Variants in ZFAT observed in about 807,000 individuals in gnomAD.
The protein encoded by ZFAT is zinc finger protein ZFAT.
Under a neutral mutation model 117.7 loss-of-function variants are expected in ZFAT, and 64 were observed. The observed-to-expected ratio is 0.54, with a 90% CI of 0.44 to 0.67. The LOEUF is 0.67. ZFAT is among the 30% of genes least tolerant of loss of function. The pLI, the probability that ZFAT is intolerant of heterozygous loss-of-function variation, is 0.00. For synonymous variants in ZFAT, 679 were observed against 615.0 expected, an observed-to-expected ratio of 1.10 and a Z score of -1.54; for missense variants, 1,433 against 1,584.5, an observed-to-expected ratio of 0.90 and a Z score of 1.62.
At chr8:134,729,455 C>T in the ZFAT span, among the ~76,000 whole-genome samples, 2 of 152,238 alleles carry the variant, frequency 1.3e-5, no homozygotes, top group African/African-American at 4.8e-5. Context: ...CCTCAGCCTC[C>T]CAAGTAGCTG....
intron 1 of ZFAT, 92 bp downstream of exon 1, chr8:134,712,753 T>C: frequency 7.6e-7 from 1 of 1,320,050 alleles, no homozygotes; most frequent in South Asian, 1.4e-5. Context: ...GCCGGCGCAC[T>C]GCTTCCCGAC....
intron 1 of ZFAT, among the ~76,000 whole-genome samples, chr8:134,711,136 G>GT (rs1813981799): frequency 6.6e-6 from 1 of 152,128 alleles, no homozygotes; most frequent in South Asian, 2.1e-4. Context: ...GTTTTGTTTT[G>GT]TTTTTTGAGA....
At chr8:134,744,362 C>A in the ZFAT span, among the ~76,000 whole-genome samples, 2 of 145,592 alleles carry the variant, frequency 1.4e-5, no homozygotes, top group African/African-American at 5.1e-5. Context: ...GTGGCATAAT[C>A]TTGGCTCACG....
chr8:134,679,778 G>A (rs1832977845), intron 1 of ZFAT, among the ~76,000 whole-genome samples: 1 of 152,168 alleles, frequency 6.6e-6, no homozygotes, highest in Non-Finnish European at 1.5e-5. Context: ...ATGAGTTCAT[G>A]TCCTTTGCAG....
chr8:134,808,175 T>C, the ZFAT span, among the ~76,000 whole-genome samples: 45,876 of 151,928 alleles, frequency 0.3, 7,560 homozygotes, highest in African/African-American at 0.43. Context: ...GACATGCACA[T>C]GCACACATGC....
chr8:134,712,807 C>A, intron 1 of ZFAT, 38 bp downstream of exon 1: 1 of 914,486 alleles, frequency 1.1e-6, no homozygotes, highest in South Asian at 1.5e-5. Context: ...CGCGCCCCAC[C>A]CCCACCCCGT....
intron 3 of ZFAT, among the ~76,000 whole-genome samples, chr8:134,621,839 GTAC>G (rs1829135792): frequency 6.6e-6 from 1 of 152,210 alleles, no homozygotes. Context: ...GAGGTACAGT[GTAC>G]TACGTGAAAT....
At chr8:134,654,364 T>C (rs962175527) in intron 2 of ZFAT, among the ~76,000 whole-genome samples, 1 of 152,218 alleles carries the variant, frequency 6.6e-6, no homozygotes, top group Admixed American at 6.5e-5. Context: ...ATTGCTTTGA[T>C]GGGTTTACCC....
chr8:134,695,212 C>A (rs1833767759), intron 1 of ZFAT, among the ~76,000 whole-genome samples: 1 of 152,188 alleles, frequency 6.6e-6, no homozygotes, highest in South Asian at 2.1e-4. Context: ...GGGAGGCACC[C>A]CGGCCAGGAA....
chr8:134,532,470 C>A (rs1389443519), intron 12 of ZFAT, among the ~76,000 whole-genome samples: 1 of 152,184 alleles, frequency 6.6e-6, no homozygotes, highest in African/African-American at 2.4e-5. Flanking sequence ...ACAACATGTT[C>A]CTGCTAATGT....
At chr8:134,511,785 GT>G (rs761216942) in intron 14 of ZFAT, among the ~76,000 whole-genome samples, 1 of 151,992 alleles carries the variant, frequency 6.6e-6, no homozygotes, top group Non-Finnish European at 1.5e-5. Context: ...ACAGTGGCTT[GT>G]TTTTTTTAGA....
At chr8:134,632,580 C>G (rs1030623296) in intron 3 of ZFAT, among the ~76,000 whole-genome samples, 2 of 152,026 alleles carry the variant, frequency 1.3e-5, no homozygotes, top group African/African-American at 4.8e-5. Flanking sequence ...GAAACAGAAG[C>G]ATTTTTTTTA....
At chr8:134,761,142 C>G in the ZFAT span, among the ~76,000 whole-genome samples, 4 of 152,180 alleles carry the variant, frequency 2.6e-5, no homozygotes, top group Non-Finnish European at 5.9e-5. Flanking sequence ...TGGTGTTTCT[C>G]AAGCTCAAAT....
intron 10 of ZFAT, among the ~76,000 whole-genome samples, chr8:134,572,974 G>A (rs1403260515): frequency 6.6e-6 from 1 of 152,180 alleles, no homozygotes; most frequent in African/African-American, 2.4e-5. Context: ...AATGTGAAAA[G>A]GAAGAAGCCA....
At chr8:134,640,086 C>A (rs907348754) in intron 2 of ZFAT, among the ~76,000 whole-genome samples, 3 of 152,216 alleles carry the variant, frequency 2.0e-5, no homozygotes, top group African/African-American at 7.2e-5. Context: ...ACGTCTAGAA[C>A]CTTCCCAGTC....
chr8:134,828,977 T>G, the ZFAT span, among the ~76,000 whole-genome samples: 4 of 152,326 alleles, frequency 2.6e-5, no homozygotes, highest in Admixed American at 1.3e-4. Context: ...CTTATTTTGA[T>G]TTTGCTGAAG....
At chr8:134,764,207 A>G in the ZFAT span, among the ~76,000 whole-genome samples, 1 of 152,238 alleles carries the variant, frequency 6.6e-6, no homozygotes, top group Non-Finnish European at 1.5e-5. Flanking sequence ...GTCCAGGTCA[A>G]TCTTTCTTTT....
the ZFAT span, among the ~76,000 whole-genome samples, chr8:134,749,239 T>G: frequency 6.6e-6 from 1 of 152,262 alleles, no homozygotes; most frequent in Non-Finnish European, 1.5e-5. Context: ...TCTCTTATAC[T>G]ACCTTCAAAA....
intron 3 of ZFAT, among the ~76,000 whole-genome samples, chr8:134,617,512 G>A (rs1282444723): frequency 1.3e-5 from 2 of 152,132 alleles, no homozygotes; most frequent in African/African-American, 2.4e-5. Context: ...TAAGAACCAC[G>A]ACAGAAAGTC....
Sources: gnomAD v4.1 joint callset for allele counts (sites outside exome capture counted in the v4.1 genomes callset) on GRCh38, gnomAD v4.1.1 for gene constraint, MANE v1.5 for transcripts, NCBI Gene and HGNC (gene_info 2026-07-23, HGNC 2026-07-21) for gene names.